The following PTPRM variants were observed in gnomAD, a reference collection of about 807,000 sequenced individuals.
PTPRM encodes the protein receptor-type tyrosine-protein phosphatase mu.
PTPRM carries 47 observed loss-of-function variants against 186.7 expected under a neutral mutation model. The ratio of observed to expected loss-of-function variants is 0.25; its 90% CI spans 0.20 to 0.32. The LOEUF is 0.32. PTPRM is among the 10% of genes least tolerant of loss of function. The pLI, the probability that PTPRM is intolerant of heterozygous loss-of-function variation, is 1.00. For missense variants in PTPRM, 1,494 were observed against 1,865.0 expected (o/e 0.80, Z 3.66); for synonymous variants, 668 against 674.9 (o/e 0.99, Z 0.16).
chr18:8,148,235 C>T lies in PTPRM; in HGVS notation c.2300+4456C>T, dbSNP rs574154134. 2.5e-3 allele frequency among the ~76,000 whole-genome samples: 379 copies of T among 152,210 alleles called. 5 individuals carry two copies. The highest frequency in any genetic ancestry group is 4.4e-3 in the Non-Finnish European group (298 of 68,004). On this transcript the variant is annotated intron_variant, in intron 14 of 32. Coordinates refer to ENST00000580170, the MANE Select transcript of PTPRM (RefSeq NM_001105244.2). ...TTGAGAAGGCATGGTACCAGCTCCT[C>T]TTTGTACCTCTGGTAAAATTCAGCT...
At chr18:8,275,275 A>G (rs981511039) in intron 19 of PTPRM, among the ~76,000 whole-genome samples, 1 of 152,004 alleles carries the variant, frequency 6.6e-6, no homozygotes, top group African/African-American at 2.4e-5. Context: ...CCCGTCTCCA[A>G]AAAAAAGAAA....
At chr18:8,068,722 A>C (rs1362809017) in intron 7 of PTPRM, among the ~76,000 whole-genome samples, 2 of 152,236 alleles carry the variant, frequency 1.3e-5, no homozygotes, top group Non-Finnish European at 2.9e-5. Context: ...TTTCATGTAT[A>C]ATTCTCAAGC....
chr18:7,715,233 A>C (rs1269847641), intron 1 of PTPRM, among the ~76,000 whole-genome samples: 1 of 152,260 alleles, frequency 6.6e-6, no homozygotes, highest in Non-Finnish European at 1.5e-5. Context: ...AATCCATTAC[A>C]TAAACAAAAC....
intron 19 of PTPRM, among the ~76,000 whole-genome samples, chr18:8,288,600 G>A (rs902489685): frequency 6.6e-6 from 1 of 152,200 alleles, no homozygotes; most frequent in Non-Finnish European, 1.5e-5. Context: ...CTTGTCCAAG[G>A]AATGTTCAGC....
intron 8 of PTPRM, among the ~76,000 whole-genome samples, chr18:8,073,420 C>T (rs1018945763): frequency 6.6e-6 from 1 of 152,208 alleles, no homozygotes; most frequent in African/African-American, 2.4e-5. Context: ...CAGGCATGGC[C>T]TGTTTTAGTT....
intron 1 of PTPRM, among the ~76,000 whole-genome samples, chr18:7,735,371 C>A (rs750450703): frequency 1.3e-5 from 2 of 151,972 alleles, no homozygotes; most frequent in African/African-American, 2.4e-5. Flanking sequence ...TGCAGTGAGC[C>A]GAGATTGTGC....
intron 2 of PTPRM, among the ~76,000 whole-genome samples, chr18:7,776,345 G>A (rs1049913900): frequency 2.0e-5 from 3 of 152,138 alleles, no homozygotes; most frequent in African/African-American, 7.2e-5. Flanking sequence ...AGTGGTTTAG[G>A]TGTCAGCATT....
intron 1 of PTPRM, among the ~76,000 whole-genome samples, chr18:7,630,042 A>C (rs2038154813): frequency 6.6e-6 from 1 of 152,010 alleles, no homozygotes; most frequent in South Asian, 2.1e-4. Context: ...CCATTTACTC[A>C]CCCAGGGAAT....
chr18:8,092,313 A>G lies in PTPRM; in HGVS notation c.1856+3462A>G, dbSNP rs375206420. ...AGAACACAATTCCATCATTCCAGCC[A>G]GTAAACTAGCATGTAGGAGAGAATT... On this transcript the variant is annotated intron_variant, in intron 11 of 32. Coordinates refer to ENST00000580170, the MANE Select transcript of PTPRM (RefSeq NM_001105244.2). Among the ~76,000 whole-genome samples, 5 of 152,336 alleles carry G rather than the reference A, an allele frequency of 3.3e-5. No homozygotes were observed. In the East Asian group the frequency reaches 9.6e-4, roughly 29 times the overall value.
chr18:7,618,157 C>G (rs1414514464), intron 1 of PTPRM, among the ~76,000 whole-genome samples: 1 of 152,094 alleles, frequency 6.6e-6, no homozygotes, highest in Non-Finnish European at 1.5e-5. Context: ...AAAACAAACC[C>G]CCTCTCCACT....
Position 8,099,902 on chromosome 18 carries a change from A to G in PTPRM, c.1856+11051A>G, listed in dbSNP as rs62089551. Among the ~76,000 whole-genome samples, 1,438 of 152,296 alleles carry G rather than the reference A, an allele frequency of 9.4e-3. 12 individuals are homozygous for G. Among genetic ancestry groups the G allele is most frequent in the Non-Finnish European group, 0.015 (1,010 of 68,012 alleles). On this transcript the variant is annotated intron_variant, in intron 11 of 32. Transcript: ENST00000580170. ...TGTGTGAGGCTCTTCTTGCATTGCT[A>G]TAAAGATACCCGAGACTCGGTAATT...
At chr18:8,190,199 G>A (rs751195014) in intron 14 of PTPRM, among the ~76,000 whole-genome samples, 2 of 152,166 alleles carry the variant, frequency 1.3e-5, no homozygotes, top group Admixed American at 6.6e-5. Context: ...TCACCATGAT[G>A]TACAGTAAAT....
intron 1 of PTPRM, among the ~76,000 whole-genome samples, chr18:7,632,343 G>A (rs745704498): frequency 1.3e-5 from 2 of 152,252 alleles, no homozygotes; most frequent in Non-Finnish European, 2.9e-5. Flanking sequence ...GTGAGGCTCA[G>A]AGATGTTGCG....
intron 13 of PTPRM, among the ~76,000 whole-genome samples, chr18:8,116,164 T>TC (rs2091949838): frequency 6.6e-6 from 1 of 152,214 alleles, no homozygotes; most frequent in African/African-American, 2.4e-5. Context: ...CCATTGATGC[T>TC]CTTAGATCTC....
chr18:7,871,311 G>T (rs2047972212), intron 2 of PTPRM, among the ~76,000 whole-genome samples: 1 of 152,174 alleles, frequency 6.6e-6, no homozygotes, highest in South Asian at 2.1e-4. Context: ...ATTTGTGTGT[G>T]CTCTACAGTT....
chr18:7,907,055 C>T (rs1567996591), intron 4 of PTPRM, among the ~76,000 whole-genome samples: 1 of 152,034 alleles, frequency 6.6e-6, no homozygotes, highest in African/African-American at 2.4e-5. Context: ...CCTGGGGACC[C>T]CAGAAATGGC....
intron 14 of PTPRM, among the ~76,000 whole-genome samples, chr18:8,220,656 T>C (rs1187151819): frequency 6.6e-6 from 1 of 152,164 alleles, no homozygotes; most frequent in Non-Finnish European, 1.5e-5. Context: ...TAAGACTCCT[T>C]TGAGAAAAAG....
At chr18:8,273,690 A>G (rs1271406111) in intron 19 of PTPRM, among the ~76,000 whole-genome samples, 2 of 152,194 alleles carry the variant, frequency 1.3e-5, no homozygotes, top group African/African-American at 4.8e-5. Context: ...ATTCAGCAGT[A>G]TGGTAGGAAT....
Position 8,319,233 on chromosome 18 carries a change from T to G in PTPRM, c.2956+19T>G. 1 of 1,546,636 alleles carries G rather than the reference T, an allele frequency of 6.5e-7. No homozygotes were observed. The highest frequency in any genetic ancestry group is 1.4e-5 in the African/African-American group (1 of 73,330). ...ACCCAAGGTAAGTTTATTTCTACTT[T>G]GTTGTCTTTCTTTGTTTCTTTTGCC... On this transcript the variant is annotated intron_variant, in intron 22 of 32. Coordinates refer to ENST00000580170, the MANE Select transcript of PTPRM (RefSeq NM_001105244.2).
Sources: gnomAD v4.1 joint callset for allele counts (sites outside exome capture counted in the v4.1 genomes callset) on GRCh38, gnomAD v4.1.1 for gene constraint, MANE v1.5 for transcripts, NCBI Gene and HGNC (gene_info 2026-07-23, HGNC 2026-07-21) for gene names.